The following TAOK1 variants were observed in gnomAD, a reference collection of about 807,000 sequenced individuals.
The protein encoded by TAOK1 is serine/threonine-protein kinase TAO1.
Under a neutral mutation model 138.3 loss-of-function variants are expected in TAOK1, and 21 were observed. The observed-to-expected ratio is 0.15, with a 90% CI of 0.11 to 0.22. The LOEUF is 0.22. Among genes scored for constraint, TAOK1 ranks in the 10% least tolerant of loss-of-function variants. The pLI, the probability that TAOK1 is intolerant of heterozygous loss-of-function variation, is 1.00. For missense variants in TAOK1, 651 were observed against 1,227.7 expected (o/e 0.53, Z 7.02); for synonymous variants, 361 against 398.4 (o/e 0.91, Z 1.12).
Position 29,409,308 on chromosome 17 carries a change from C to CATAT in TAOK1, c.-95+18307_-95+18310dup, listed in dbSNP as rs1183993280. 8.4e-3 allele frequency among the ~76,000 whole-genome samples: 670 copies of CATAT among 79,438 alleles called. 15 individuals are homozygous for CATAT. The highest frequency in any genetic ancestry group is 0.024 in the African/African-American group (415 of 17,542). The allele number at this position is 79,438 out of a possible 152,430, so 52.1% of individuals were successfully genotyped here. A position where few individuals can be genotyped will look rare whatever the true frequency, so the allele number is the denominator to read the frequency against. Reference sequence around the variant, plus strand: ...ATTTGTATATAAGCCTTTTTATGGACATATATATATATATATATATATATA... The same window carrying CATAT: ...ATTTGTATATAAGCCTTTTTATGGACATATATATATATATATATATATATATATA... On this transcript the variant is annotated intron_variant, in intron 1 of 19. Transcript: ENST00000261716.
intron 2 of TAOK1, among the ~76,000 whole-genome samples, chr17:29,457,089 C>CTTTTTTTTTTTTTTTTTTTTTTTT (rs548221652): frequency 3.7e-5 from 4 of 107,408 alleles, no homozygotes; most frequent in African/African-American, 7.6e-5. Context: ...TTTTCTTTTT[C>CTTTTTTTTTTTTTTTTTTTTTTTT]TTTTTTTTTT....
At chr17:29,435,644 G>A (rs1362132667) in intron 1 of TAOK1, among the ~76,000 whole-genome samples, 1 of 152,166 alleles carries the variant, frequency 6.6e-6, no homozygotes, top group Non-Finnish European at 1.5e-5. Context: ...GCGAAGATGA[G>A]GGTATTAGGT....
intron 1 of TAOK1, among the ~76,000 whole-genome samples, chr17:29,431,050 C>T (rs1236103038): frequency 2.6e-5 from 4 of 152,138 alleles, no homozygotes; most frequent in Non-Finnish European, 5.9e-5. Context: ...AAAAACAAAA[C>T]CTGCTCTGTT....
intron 1 of TAOK1, among the ~76,000 whole-genome samples, chr17:29,439,781 TAGG>T (rs1043781998): frequency 1.3e-5 from 2 of 150,286 alleles, no homozygotes; most frequent in African/African-American, 2.5e-5. Flanking sequence ...CCCAGCTACT[TAGG>T]AGGCTGAGGC....
At chr17:29,502,457 A>T in intron 12 of TAOK1, 132 bp from the exon 13 acceptor site, 1 of 992,690 alleles carries the variant, frequency 1.0e-6, no homozygotes, top group Non-Finnish European at 1.4e-6. Context: ...CAGCATTTCT[A>T]CTTTTTGGCT....
At chr17:29,497,714 C>CAAAAAAAAAAA (rs373537264) in intron 11 of TAOK1, among the ~76,000 whole-genome samples, 1 of 100,708 alleles carries the variant, frequency 9.9e-6, no homozygotes, top group Non-Finnish European at 2.1e-5. Context: ...TATTGAAATA[C>CAAAAAAAAAAA]AAAAAAAAAA....
Position 29,455,038 on chromosome 17 carries a change from G to A in TAOK1, c.132+3358G>A, listed in dbSNP as rs374904142. Among the ~76,000 whole-genome samples the A allele has an allele frequency of 1.3e-4, 20 of 152,132 alleles. No individual in the cohort carries two copies. In the East Asian group the frequency reaches 2.7e-3, roughly 21 times the overall value. On this transcript the variant is annotated intron_variant, in intron 2 of 19. Coordinates refer to ENST00000261716, the MANE Select transcript of TAOK1 (RefSeq NM_020791.4). ...TGATTCTCCTGCCTCAGTCTCCTAA[G>A]TTGCTGGGATTACAGGTACACACCA...
At chr17:29,523,233 A>C (rs1374720534) in intron 17 of TAOK1, among the ~76,000 whole-genome samples, 1 of 152,082 alleles carries the variant, frequency 6.6e-6, no homozygotes, top group African/African-American at 2.4e-5. Flanking sequence ...AAAAATATGA[A>C]AGTGCATTAT....
chr17:29,423,341 G>A (rs1024892393), intron 1 of TAOK1, among the ~76,000 whole-genome samples: 2 of 150,278 alleles, frequency 1.3e-5, no homozygotes, highest in African/African-American at 4.9e-5. Flanking sequence ...TCAGCCTCCT[G>A]AGTAGCTGGG....
At chr17:29,472,846 G>C (rs1341769001) in intron 3 of TAOK1, among the ~76,000 whole-genome samples, 1 of 152,228 alleles carries the variant, frequency 6.6e-6, no homozygotes, top group Non-Finnish European at 1.5e-5. Flanking sequence ...AAAGTGCTGG[G>C]ATTACAGGCG....
chr17:29,461,235 A>G (rs1005666018), intron 2 of TAOK1, among the ~76,000 whole-genome samples: 1 of 152,178 alleles, frequency 6.6e-6, no homozygotes, highest in African/African-American at 2.4e-5. Flanking sequence ...AGTGCGTACT[A>G]TGTATGCATC....
intron 19 of TAOK1, among the ~76,000 whole-genome samples, chr17:29,534,516 TAAG>T (rs2032189449): frequency 6.6e-6 from 1 of 152,156 alleles, no homozygotes; most frequent in Non-Finnish European, 1.5e-5. Context: ...GGAATATAAT[TAAG>T]TAGTAATTGC....
chr17:29,538,260 GTAATGTTAGTAGTGGC>G (rs1267501191), intron 19 of TAOK1, among the ~76,000 whole-genome samples: 12 of 152,120 alleles, frequency 7.9e-5, no homozygotes, highest in Non-Finnish European at 1.6e-4. Flanking sequence ...CCTACTTGAA[GTAATGTTAGTAGTGGC>G]TATGTTAATG....
intron 12 of TAOK1, among the ~76,000 whole-genome samples, chr17:29,500,900 C>T (rs2031511657): frequency 6.6e-6 from 1 of 152,050 alleles, no homozygotes; most frequent in African/African-American, 2.4e-5. Flanking sequence ...AATTAAACTT[C>T]TATAAAATAT....
intron 14 of TAOK1, among the ~76,000 whole-genome samples, chr17:29,509,835 A>G (rs947512458): frequency 7.9e-5 from 12 of 151,610 alleles, no homozygotes; most frequent in South Asian, 4.2e-4. Flanking sequence ...GGAGGCTGCA[A>G]TGAGCCATGA....
chr17:29,446,861 C>T (rs1204863074), intron 1 of TAOK1, among the ~76,000 whole-genome samples: 1 of 151,638 alleles, frequency 6.6e-6, no homozygotes, highest in East Asian at 1.9e-4. Flanking sequence ...GCTTCAGCCT[C>T]CTGAGTAGCT....
At chr17:29,486,459 C>T (rs913425945) in intron 8 of TAOK1, among the ~76,000 whole-genome samples, 2 of 152,010 alleles carry the variant, frequency 1.3e-5, no homozygotes, top group Non-Finnish European at 2.9e-5. Context: ...ATAGTGAAAC[C>T]TCATCTATAC....
chr17:29,425,601 C>T (rs1171029795), intron 1 of TAOK1, among the ~76,000 whole-genome samples: 1 of 152,066 alleles, frequency 6.6e-6, no homozygotes, highest in East Asian at 1.9e-4. Flanking sequence ...ATGGCTTGAG[C>T]CTGGGAGAGC....
At chr17:29,456,926 G>A (rs1192539460) in intron 2 of TAOK1, among the ~76,000 whole-genome samples, 1 of 149,372 alleles carries the variant, frequency 6.7e-6, no homozygotes, top group Non-Finnish European at 1.5e-5. Flanking sequence ...ATAGAGACGG[G>A]GTTCCACTGT....
Sources: allele counts gnomAD v4.1 joint callset (sites outside exome capture counted in the v4.1 genomes callset), GRCh38; gene constraint gnomAD v4.1.1; transcripts MANE v1.5; gene names NCBI Gene and HGNC (gene_info 2026-07-23, HGNC 2026-07-21).